OTUD3: variants seen among roughly 807,000 people sequenced by gnomAD.
OTUD3 encodes OTU deubiquitinase 3.
A neutral mutation model predicts 46.2 loss-of-function variants in OTUD3; 24 were observed. That is an observed-to-expected ratio of 0.52 (90% CI 0.38 to 0.73). The LOEUF is 0.73. Ranked by LOEUF, OTUD3 falls within the 30% of genes least tolerant of loss-of-function variation. The probability of loss-of-function intolerance (pLI) is 0.00; values close to 1 mark genes in which losing one functional copy is unlikely to be tolerated. For synonymous variants in OTUD3, 189 were observed against 195.4 expected, an observed-to-expected ratio of 0.97 and a Z score of 0.27; for missense variants, 455 against 523.3, an observed-to-expected ratio of 0.87 and a Z score of 1.27.
In OTUD3 at chr1:19,892,232, C is replaced by T. The variant is rs542255958; in HGVS notation, c.370+1699C>T. Among the ~76,000 whole-genome samples, 14 of 152,254 alleles carry T rather than the reference C, an allele frequency of 9.2e-5. No homozygotes were observed. The East Asian group carries it at 2.3e-3, about 25-fold the overall frequency. On this transcript the variant is annotated intron_variant, in intron 2 of 7. Transcript: ENST00000375120. ...TCACAGAAGTAAGAAGTCACTTTGA[C>T]GGCCAGAGCAGAAATGAAAAGAAAC...
In OTUD3 at chr1:19,882,458, A is replaced by G; in HGVS notation, c.-56A>G. The G allele has an allele frequency of 7.5e-7, 1 of 1,324,698 alleles. No individual in the cohort carries two copies. Among genetic ancestry groups the G allele is most frequent in the Non-Finnish European group, 9.6e-7 (1 of 1,042,682 alleles). 82.1% of individuals were successfully genotyped at this position (1,324,698 alleles called of 1,614,324 possible). A position where few individuals can be genotyped will look rare whatever the true frequency, so the allele number is the denominator to read the frequency against. On this transcript the variant is annotated 5_prime_UTR_variant, in exon 1 of 8. Coordinates refer to ENST00000375120, the MANE Select transcript of OTUD3 (RefSeq NM_015207.2). ...TTTACCTTCCCAACGCTTGAGGCGG[A>G]CGCTGGGGGGTCCTGCGCCTTTCCC...
At chr1:19,884,289 T>G (rs1315433502) in intron 1 of OTUD3, among the ~76,000 whole-genome samples, 2 of 152,178 alleles carry the variant, frequency 1.3e-5, no homozygotes, top group Non-Finnish European at 2.9e-5. Flanking sequence ...AGGTTACTTA[T>G]GAGGAGGAAT....
rs556616872 is a variant in OTUD3 at position 19,912,219 on chromosome 1, C to G, written c.*4473C>G. On this transcript the variant is annotated 3_prime_UTR_variant, in exon 8 of 8. Coordinates refer to ENST00000375120, the MANE Select transcript of OTUD3 (RefSeq NM_015207.2). Reference sequence around the variant, plus strand: ...CGGACAGACTCTCTGTGGCCTGGCTCTCATCCTTGGCGTGTCAGCCTGCGG... The same window carrying G: ...CGGACAGACTCTCTGTGGCCTGGCTGTCATCCTTGGCGTGTCAGCCTGCGG... The G allele has an allele frequency of 6.6e-6, 1 of 152,362 alleles. No homozygotes were observed. Among genetic ancestry groups the G allele is most frequent in the African/African-American group, 2.4e-5 (1 of 41,466 alleles). The allele number at this position is 152,362 out of a possible 1,614,324, so 9.4% of individuals were successfully genotyped here.
At chr1:19,891,856 A>G (rs2045451803) in intron 2 of OTUD3, among the ~76,000 whole-genome samples, 3 of 152,206 alleles carry the variant, frequency 2.0e-5, no homozygotes, top group African/African-American at 7.2e-5. Context: ...TCTTCCTGGG[A>G]TTACTTTTTG....
chr1:19,905,869 G>C (rs2045653386), intron 6 of OTUD3, among the ~76,000 whole-genome samples: 1 of 152,216 alleles, frequency 6.6e-6, no homozygotes, highest in South Asian at 2.1e-4. Context: ...TGCTCCATGT[G>C]ATGAGGTATT....
chr1:19,897,615 C>A lies in OTUD3; in HGVS notation c.559C>A (p.Arg187=). Residue 187 remains arginine, a synonymous_variant, in exon 4 of 8, where the codon CGG becomes AGG. Coordinates refer to ENST00000375120, the MANE Select transcript of OTUD3 (RefSeq NM_015207.2). ...YRYGEHYDSV[R]RINDNSEAPA... ...GTATGGAGAGCACTACGACAGTGTT[C>A]GGAGGATCAATGACAACTCAGAGGC... 6.2e-7 allele frequency: 1 copy of A among 1,613,972 alleles called. No homozygotes were observed. The highest frequency in any genetic ancestry group is 8.5e-7 in the Non-Finnish European group (1 of 1,179,948).
intron 4 of OTUD3, among the ~76,000 whole-genome samples, chr1:19,903,005 G>A (rs1254971467): frequency 1.4e-5 from 2 of 142,702 alleles, no homozygotes; most frequent in African/African-American, 2.6e-5. Context: ...ACCACTATAA[G>A]TAACACTGTT....
At chr1:19,883,041 A>G (rs542404001) in intron 1 of OTUD3, among the ~76,000 whole-genome samples, 1 of 152,350 alleles carries the variant, frequency 6.6e-6, no homozygotes, top group Admixed American at 6.5e-5. Context: ...GGGCTCTCTC[A>G]AAGGTGACAT....
rs1438465667 is a variant in OTUD3 at position 19,911,978 on chromosome 1, C to G, written c.*4232C>G. 2 of 152,348 alleles carry G rather than the reference C, an allele frequency of 1.3e-5. No homozygotes were observed. Among genetic ancestry groups the G allele is most frequent in the Non-Finnish European group, 2.9e-5 (2 of 68,048 alleles). 9.4% of individuals were successfully genotyped at this position (152,348 alleles called of 1,614,324 possible). ...CTTTGAAGCAGCTGCTTTGTAGAGT[C>G]CCTCTCTTTACTGTCCTCGTTAGGA... On this transcript the variant is annotated 3_prime_UTR_variant, in exon 8 of 8. Transcript: ENST00000375120.
intron 1 of OTUD3, among the ~76,000 whole-genome samples, chr1:19,884,357 G>A (rs930581924): frequency 2.0e-5 from 3 of 152,034 alleles, no homozygotes; most frequent in Admixed American, 6.6e-5. Context: ...GGAAACTTTG[G>A]GGGTACTACT....
intron 2 of OTUD3, among the ~76,000 whole-genome samples, chr1:19,891,721 G>A (rs1557675919): frequency 6.6e-6 from 1 of 152,156 alleles, no homozygotes; most frequent in Non-Finnish European, 1.5e-5. Context: ...GGGAGAAAAG[G>A]TATCAGTGAT....
chr1:19,906,137 T>G (rs1363463753), intron 6 of OTUD3, among the ~76,000 whole-genome samples: 3 of 152,334 alleles, frequency 2.0e-5, no homozygotes. Context: ...TGGGTGCAAA[T>G]GAAAGATTTT....
At chr1:19,889,152 AT>A (rs2045412171) in intron 1 of OTUD3, among the ~76,000 whole-genome samples, 2 of 152,258 alleles carry the variant, frequency 1.3e-5, no homozygotes, top group African/African-American at 4.8e-5. Context: ...AAAGACTGCC[AT>A]TGTCAGATTT....
At chr1:19,886,355 C>T (rs1557673014) in intron 1 of OTUD3, among the ~76,000 whole-genome samples, 1 of 152,114 alleles carries the variant, frequency 6.6e-6, no homozygotes. Context: ...TTATTACTAA[C>T]AAGTAGTTTA....
rs1470077637 is a variant in OTUD3 at position 19,909,410 on chromosome 1, CA to C, written c.*1665del. ...TTAGCAGATTAAAAAAAGTACACAGCATTTTTTTTCTGTGCACGTCGCAGAG... is the reference window on the plus strand; with the variant it reads ...TTAGCAGATTAAAAAAAGTACACAGCTTTTTTTTCTGTGCACGTCGCAGAG... On this transcript the variant is annotated 3_prime_UTR_variant, in exon 8 of 8. Coordinates refer to ENST00000375120, the MANE Select transcript of OTUD3 (RefSeq NM_015207.2). 6.6e-6 allele frequency: 1 copy of C among 152,310 alleles called. No individual in the cohort carries two copies. The highest frequency in any genetic ancestry group is 1.5e-5 in the Non-Finnish European group (1 of 68,022). 9.4% of individuals were successfully genotyped at this position (152,310 alleles called of 1,614,324 possible). A position where few individuals can be genotyped will look rare whatever the true frequency, so the allele number is the denominator to read the frequency against.
chr1:19,890,519 C>A lies in OTUD3; in HGVS notation c.356C>A (p.Pro119His). 6.2e-7 allele frequency: 1 copy of A among 1,613,782 alleles called. No individual in the cohort carries two copies. Among genetic ancestry groups the A allele is most frequent in the South Asian group, 1.1e-5 (1 of 91,060 alleles). Reference protein sequence around the residue: ...DFEPFVEDDIPFEKHVASLAK... With the variant: ...DFEPFVEDDIHFEKHVASLAK... ...GAACCCTTTGTAGAAGATGACATTC[C>A]TTTTGAGAAGCATGGTAGGTTCACT... Residue 119 changes from proline (P) to histidine (H), a missense_variant, in exon 2 of 8, where the codon CCT becomes CAT. Physicochemically the swap from Pro to His is moderately conservative, Grantham distance 77. Transcript: ENST00000375120.
intron 7 of OTUD3, 64 bp from the exon 8 acceptor site, chr1:19,907,506 T>C: frequency 6.6e-7 from 1 of 1,514,606 alleles, no homozygotes; most frequent in Non-Finnish European, 9.1e-7. Context: ...ACCATCTCCC[T>C]TCTAGCAGGT....
intron 3 of OTUD3, among the ~76,000 whole-genome samples, chr1:19,896,941 C>T (rs930845059): frequency 2.6e-5 from 4 of 152,038 alleles, no homozygotes; most frequent in South Asian, 2.1e-4. Flanking sequence ...TTGAAGCTGA[C>T]GTAGGTAGGA....
In OTUD3 at chr1:19,908,762, A is replaced by C. The variant is rs2045698881; in HGVS notation, c.*1016A>C. 1 of 152,376 alleles carries C rather than the reference A, an allele frequency of 6.6e-6. No homozygotes were observed. Among genetic ancestry groups the C allele is most frequent in the Non-Finnish European group, 1.5e-5 (1 of 68,046 alleles). The allele number at this position is 152,376 out of a possible 1,614,324, so 9.4% of individuals were successfully genotyped here. A position where few individuals can be genotyped will look rare whatever the true frequency, so the allele number is the denominator to read the frequency against. The stretch of plus-strand genomic sequence containing the variant: ...GGTAACTTGACCTTATAGGTCGCTA[A>C]ACTTAGTATTGTGGAAATTAAATCT... On this transcript the variant is annotated 3_prime_UTR_variant, in exon 8 of 8. Coordinates refer to ENST00000375120, the MANE Select transcript of OTUD3 (RefSeq NM_015207.2).
Sources: allele counts gnomAD v4.1 joint callset (sites outside exome capture counted in the v4.1 genomes callset), GRCh38; gene constraint gnomAD v4.1.1; transcripts MANE v1.5; gene names NCBI Gene and HGNC (gene_info 2026-07-23, HGNC 2026-07-21).